Variants in GLRX3 observed in about 807,000 individuals in gnomAD.
GLRX3 encodes glutaredoxin 3.
In GLRX3, 22 loss-of-function variants were observed where a neutral mutation model predicts 49.5. That is an observed-to-expected ratio of 0.44 (90% confidence interval 0.32 to 0.63). The LOEUF (loss-of-function observed/expected upper bound fraction) is 0.63, where lower values mean the gene tolerates loss of function less well. Ranked by LOEUF, GLRX3 falls within the 30% of genes least tolerant of loss-of-function variation. GLRX3 has a pLI of 0.05. For missense variants in GLRX3, 385 were observed against 396.3 expected (o/e 0.97, Z 0.24); for synonymous variants, 133 against 140.0 (o/e 0.95, Z 0.35).
chr10:130,140,082 A>C (rs759718182), intron 1 of GLRX3, among the ~76,000 whole-genome samples: 2 of 152,246 alleles, frequency 1.3e-5, no homozygotes, highest in Non-Finnish European at 2.9e-5. Context: ...TAAGTTGCTG[A>C]AATCTCAGCT....
At chr10:130,143,399 A>C (rs995000088) in intron 1 of GLRX3, among the ~76,000 whole-genome samples, 1 of 152,228 alleles carries the variant, frequency 6.6e-6, no homozygotes, top group African/African-American at 2.4e-5. Context: ...ATTTGAACAG[A>C]ATTCCATAAA....
At chr10:130,138,431 A>G (rs1404939850) in intron 1 of GLRX3, among the ~76,000 whole-genome samples, 3 of 152,200 alleles carry the variant, frequency 2.0e-5, no homozygotes, top group East Asian at 1.9e-4. Flanking sequence ...TGATTTTGCA[A>G]TGGAGAGTGC....
At chr10:130,170,800 A>ATTT (rs1862791728) in intron 7 of GLRX3, among the ~76,000 whole-genome samples, 1 of 152,132 alleles carries the variant, frequency 6.6e-6, no homozygotes, top group Admixed American at 6.5e-5. Flanking sequence ...AAAGCTTAAG[A>ATTT]TTTTCATAAA....
chr10:130,173,126 C>T (rs186213803), intron 8 of GLRX3, among the ~76,000 whole-genome samples: 49 of 152,260 alleles, frequency 3.2e-4, no homozygotes, highest in African/African-American at 7.0e-4. Flanking sequence ...CCCTCTGCTG[C>T]GGGTCCACAG....
intron 2 of GLRX3, chr10:130,159,634 A>C (rs1434111618): frequency 5.2e-6 from 1 of 193,942 alleles, no homozygotes; most frequent in African/African-American, 2.3e-5. Context: ...GAAAATAAGC[A>C]CTGTAATCAT....
Position 130,136,477 on chromosome 10 carries a change from C to A in GLRX3, c.57C>A (p.Ala19=). 1 of 1,266,776 alleles carries A rather than the reference C, an allele frequency of 7.9e-7. No homozygotes were observed. The highest frequency in any genetic ancestry group is 1.0e-6 in the Non-Finnish European group (1 of 1,000,210). The allele number at this position is 1,266,776 out of a possible 1,614,324, so 78.5% of individuals were successfully genotyped here. ...CGGCCGTGGAGGAGGTCGGCTCAGC[C>A]GGGCAGTTTGAGGAGCTGCTGCGCC... ...AVAAVEEVGS[A]GQFEELLRLK... Residue 19 remains alanine (A), a synonymous_variant, in exon 1 of 11, where the codon GCC becomes GCA. Transcript: ENST00000331244.
chr10:130,158,058 T>C (rs1282585442), intron 2 of GLRX3, among the ~76,000 whole-genome samples: 1 of 152,200 alleles, frequency 6.6e-6, no homozygotes, highest in African/African-American at 2.4e-5. Flanking sequence ...CCATTGTCTC[T>C]TGTTATGAGG....
rs539387919 is a variant in GLRX3, at chr10:130,136,446, C to T, written c.26C>T (p.Ala9Val). The change falls in exon 1 of 11, where the codon GCT (alanine) becomes GTT (valine). Residue 9 changes from alanine (A) to valine (V), a missense_variant. By Grantham distance (64) the Ala-to-Val change is moderately conservative (BLOSUM62 0). Transcript: ENST00000331244. ...ATGGCGGCGGGGGCGGCTGAGGCAGCTGTAGCGGCCGTGGAGGAGGTCGGC... is the reference window on the plus strand; with the variant it reads ...ATGGCGGCGGGGGCGGCTGAGGCAGTTGTAGCGGCCGTGGAGGAGGTCGGC... MAAGAAEA[A>V]VAAVEEVGSA... 10 of 1,261,504 alleles carry T rather than the reference C, an allele frequency of 7.9e-6. No individual in the cohort carries two copies. The African/African-American group carries it at 9.3e-5, about 12-fold the overall frequency. 78.1% of individuals were successfully genotyped at this position (1,261,504 alleles called of 1,614,324 possible).
chr10:130,138,847 G>GTTTTTTTT (rs61152449), intron 1 of GLRX3, among the ~76,000 whole-genome samples: 1 of 95,032 alleles, frequency 1.1e-5, no homozygotes, highest in Non-Finnish European at 1.9e-5. Context: ...GAATAAAAGT[G>GTTTTTTTT]TTTTTTTTTT....
chr10:130,148,039 G>T (rs986838054), intron 2 of GLRX3, among the ~76,000 whole-genome samples: 2 of 152,148 alleles, frequency 1.3e-5, no homozygotes, highest in Non-Finnish European at 2.9e-5. Context: ...GAGGAATGTA[G>T]TTCATTTTAA....
Position 130,136,513 on chromosome 10 carries a change from G to C in GLRX3, c.92+1G>C. On this transcript the variant is annotated splice_donor_variant, in intron 1 of 10. Transcript: ENST00000331244. LOFTEE classifies it high-confidence loss of function. ...AGGAGCTGCTGCGCCTCAAAGCCAAGTAAGCGGGGCGGCGAGCGGTAGGAG... is the reference window on the plus strand; with the variant it reads ...AGGAGCTGCTGCGCCTCAAAGCCAACTAAGCGGGGCGGCGAGCGGTAGGAG... The C allele has an allele frequency of 4.8e-6, 6 of 1,263,020 alleles. No homozygotes were observed. The highest frequency in any genetic ancestry group is 5.0e-6 in the Non-Finnish European group (5 of 996,872). The allele number at this position is 1,263,020 out of a possible 1,614,324, so 78.2% of individuals were successfully genotyped here. A position where few individuals can be genotyped will look rare whatever the true frequency, so the allele number is the denominator to read the frequency against.
intron 2 of GLRX3, among the ~76,000 whole-genome samples, chr10:130,155,164 G>A (rs1862450175): frequency 6.6e-6 from 1 of 152,210 alleles, no homozygotes; most frequent in Non-Finnish European, 1.5e-5. Context: ...AAAGGAGCCA[G>A]CCATTGGGAG....
intron 2 of GLRX3, among the ~76,000 whole-genome samples, chr10:130,148,701 T>C (rs1862314559): frequency 6.6e-6 from 1 of 152,084 alleles, no homozygotes; most frequent in Middle Eastern, 3.2e-3. Context: ...AATTGAATGC[T>C]GAAAGACAAG....
chr10:130,145,419 T>G, intron 2 of GLRX3, 100 bp downstream of exon 2: 1 of 602,778 alleles, frequency 1.7e-6, no homozygotes. Flanking sequence ...TCCCAGCACT[T>G]TGGGAGGCTG....
At chr10:130,139,750 A>G (rs1408476101) in intron 1 of GLRX3, among the ~76,000 whole-genome samples, 1 of 151,914 alleles carries the variant, frequency 6.6e-6, no homozygotes, top group Non-Finnish European at 1.5e-5. Context: ...TGAACAACAT[A>G]GAACCCATCT....
rs138479675 is a variant in GLRX3, at chr10:130,171,621, T to C, written c.809T>C (p.Ile270Thr). The change falls in exon 8 of 11, where the codon ATA becomes ACA. Residue 270 changes from isoleucine to threonine, a missense_variant. Physicochemically the swap from Ile to Thr is moderately conservative, Grantham distance 89. This residue lies in a region of GLRX3 where 374 missense variants were observed against 358.6 expected (regional missense o/e 1.04). Coordinates refer to ENST00000331244, the MANE Select transcript of GLRX3 (RefSeq NM_006541.5). ...GGATTCAGCAAACAAATTCTGGAAA[T>C]ACTAAATAGTACTGGGTATGTAAAT... ...KCGFSKQILE[I>T]LNSTGVEYET... is the part of the protein sequence containing the mutation. 12 of 1,515,898 alleles carry C rather than the reference T, an allele frequency of 7.9e-6. No homozygotes were observed. The highest frequency in any genetic ancestry group is 1.0e-5 in the Non-Finnish European group (11 of 1,090,676). 93.9% of individuals were successfully genotyped at this position (1,515,898 alleles called of 1,614,324 possible).
At chr10:130,151,743 G>A (rs978130503) in intron 2 of GLRX3, among the ~76,000 whole-genome samples, 1 of 152,112 alleles carries the variant, frequency 6.6e-6, no homozygotes, top group African/African-American at 2.4e-5. Context: ...TGATGTATAT[G>A]TGCCACATTT....
At chr10:130,169,888 T>TC (rs1385370560) in intron 7 of GLRX3, among the ~76,000 whole-genome samples, 1 of 152,234 alleles carries the variant, frequency 6.6e-6, no homozygotes, top group Admixed American at 6.5e-5. Context: ...ATCGTCCTTT[T>TC]GTGACAGTGG....
intron 5 of GLRX3, 56 bp from the exon 6 acceptor site, chr10:130,166,863 G>A: frequency 8.7e-7 from 1 of 1,148,246 alleles, no homozygotes; most frequent in Non-Finnish European, 1.3e-6. Context: ...GTATGATCAA[G>A]GAGATTTATG....
Sources: gnomAD v4.1 joint callset for allele counts (sites outside exome capture counted in the v4.1 genomes callset) on GRCh38, gnomAD v4.1.1 for gene constraint, gnomAD v4.1.1 regional missense constraint, MANE v1.5 for transcripts, NCBI Gene and HGNC (gene_info 2026-07-23, HGNC 2026-07-21) for gene names.